CUL4B: variants seen among roughly 807,000 people sequenced by gnomAD.
The protein encoded by CUL4B is cullin-4B.
Under a neutral mutation model 69.2 loss-of-function variants are expected in CUL4B, and 1 was observed. That is an observed-to-expected ratio of 0.01 (90% confidence interval 0.01 to 0.07). The LOEUF (loss-of-function observed/expected upper bound fraction) is 0.07, where lower values mean the gene tolerates loss of function less well. CUL4B is among the 10% of genes least tolerant of loss of function. The pLI, the probability that CUL4B is intolerant of heterozygous loss-of-function variation, is 1.00. For missense variants in CUL4B, 328 were observed against 638.8 expected (o/e 0.51, Z 5.24); for synonymous variants, 237 against 223.2 (o/e 1.06, Z -0.55).
At chrX:120,543,348 T>G (rs1257847868) in intron 8 of CUL4B, among the ~76,000 whole-genome samples, 1 of 111,293 alleles carries the variant, frequency 9.0e-6, no homozygotes, top group Non-Finnish European at 1.9e-5. Flanking sequence ...ATTAGGAAGG[T>G]AAAGAAGTAC....
chrX:120,557,242 C>T (rs1925031539), intron 2 of CUL4B, among the ~76,000 whole-genome samples: 1 of 111,650 alleles, frequency 9.0e-6, no homozygotes, highest in South Asian at 3.7e-4. Context: ...ATCCCTGACA[C>T]TCTAATGAAA....
Position 120,542,823 on chromosome X carries a change from T to C in CUL4B, c.1324+143A>G. 1.1e-5 allele frequency: 5 copies of C among 458,070 alleles called. No homozygotes were observed. The East Asian group carries it at 1.9e-4, about 18-fold the overall frequency. The allele number at this position is 458,070 out of a possible 1,213,427, so 37.8% of individuals were successfully genotyped here. Reference sequence around the variant, plus strand: ...AAACTGGCACCTCCAGGAAGTTTACTGTGATTAATAAGGATTGTGTCCATC... The same window carrying C: ...AAACTGGCACCTCCAGGAAGTTTACCGTGATTAATAAGGATTGTGTCCATC... On this transcript the variant is annotated intron_variant, in intron 9 of 19. Transcript: ENST00000371322.
chrX:120,556,200 TTAAG>T (rs1193537295), intron 2 of CUL4B, among the ~76,000 whole-genome samples: 2 of 111,653 alleles, frequency 1.8e-5, no homozygotes, highest in Admixed American at 9.6e-5. Flanking sequence ...GGGCTTATTC[TTAAG>T]TAATAGCTTA....
At chrX:120,552,837 T>C (rs770000609) in intron 2 of CUL4B, among the ~76,000 whole-genome samples, 2 of 112,457 alleles carry the variant, frequency 1.8e-5, no homozygotes, top group Non-Finnish European at 3.8e-5. Flanking sequence ...TGTTTACAGA[T>C]AGTAAGTAAA....
chrX:120,538,360 G>A (rs1030382124), intron 13 of CUL4B, 151 bp from the exon 14 acceptor site: 29 of 433,823 alleles, frequency 6.7e-5, no homozygotes, highest in African/African-American at 6.2e-4. Context: ...CAAAGTGTAT[G>A]CCCCATTAAT....
intron 2 of CUL4B, among the ~76,000 whole-genome samples, chrX:120,550,096 T>C (rs1924600887): frequency 8.9e-6 from 1 of 111,982 alleles, no homozygotes; most frequent in Non-Finnish European, 1.9e-5. Flanking sequence ...TTCTTCTTAA[T>C]TGACTCAGCT....
At chrX:120,556,299 T>C (rs1400856273) in intron 2 of CUL4B, among the ~76,000 whole-genome samples, 4 of 111,786 alleles carry the variant, frequency 3.6e-5, no homozygotes, top group African/African-American at 1.3e-4. Context: ...TGTGCACTGA[T>C]TTGAGTATTT....
At chrX:120,573,897 C>T (rs1416713736) in intron 2 of CUL4B, among the ~76,000 whole-genome samples, 4 of 111,843 alleles carry the variant, frequency 3.6e-5, no homozygotes, top group Non-Finnish European at 5.6e-5. Flanking sequence ...AATCTCTGCT[C>T]ACTGCAAGCT....
Position 120,538,084 on chromosome X carries a change from C to T in CUL4B, c.1938+40G>A. The T allele has an allele frequency of 2.2e-6, 2 of 924,104 alleles. 1 individual carries two copies. Among genetic ancestry groups the T allele is most frequent in the South Asian group, 4.0e-5 (2 of 50,501 alleles). The allele number at this position is 924,104 out of a possible 1,213,427, so 76.2% of individuals were successfully genotyped here. On this transcript the variant is annotated intron_variant, in intron 14 of 19. Coordinates refer to ENST00000371322, the MANE Select transcript of CUL4B (RefSeq NM_001079872.2). Reference sequence around the variant, plus strand: ...ATCATAGCAAGCAGATAACTAAATACAACTAAGTTTGAGGAATTAAGAGTT... The same window carrying T: ...ATCATAGCAAGCAGATAACTAAATATAACTAAGTTTGAGGAATTAAGAGTT...
chrX:120,553,916 T>C (rs933661182), intron 2 of CUL4B, among the ~76,000 whole-genome samples: 1 of 111,503 alleles, frequency 9.0e-6, no homozygotes, highest in Non-Finnish European at 1.9e-5. Flanking sequence ...ACAAGACACA[T>C]TCTTTTTAAG....
chrX:120,541,385 G>A (rs767428541), intron 10 of CUL4B, among the ~76,000 whole-genome samples: 8 of 111,182 alleles, frequency 7.2e-5, no homozygotes, highest in Non-Finnish European at 1.3e-4. Flanking sequence ...TGTAATCCTA[G>A]CTACTTGGGA....
intron 4 of CUL4B, 139 bp downstream of exon 4, chrX:120,546,408 G>GAA: frequency 2.4e-6 from 1 of 421,220 alleles, no homozygotes; most frequent in Non-Finnish European, 4.0e-6. Flanking sequence ...TTTAAAAAAA[G>GAA]AAAAAAAAAG....
At chrX:120,539,940 C>A (rs1923892183) in intron 11 of CUL4B, among the ~76,000 whole-genome samples, 1 of 111,513 alleles carries the variant, frequency 9.0e-6, no homozygotes, top group Admixed American at 9.6e-5. Context: ...GTGGAAAAAC[C>A]TGAGAAGCAC....
At position 120,525,070 on chromosome X, in the gene CUL4B, G is replaced by T. The variant is rs1481240108; in HGVS notation, c.*1691C>A. ...CAGCTGAGCTCATATAAAGAAATCA[G>T]TGAGGAGCTGAGAAAATATAGGCAA... On this transcript the variant is annotated 3_prime_UTR_variant, in exon 20 of 20. Transcript: ENST00000371322. The T allele has an allele frequency of 8.9e-6, 1 of 112,393 alleles. No homozygotes were observed. Among genetic ancestry groups the T allele is most frequent in the Non-Finnish European group, 1.9e-5 (1 of 53,223 alleles). The allele number at this position is 112,393 out of a possible 1,213,427, so 9.3% of individuals were successfully genotyped here.
Position 120,539,359 on chromosome X carries a change from A to G in CUL4B, c.1650T>C (p.Asp550=), listed in dbSNP as rs750123719. 18 of 1,177,657 alleles carry G rather than the reference A, an allele frequency of 1.5e-5. No individual in the cohort carries two copies. In the African/African-American group the frequency reaches 2.5e-4, roughly 16 times the overall value. The stretch of plus-strand genomic sequence containing the variant: ...CTTTGTTGCCTGCACGAAGTTTTGA[A>G]TCTACATACTTAGCTAAAATGGGGG... ...KPAELIAKYV[D]SKLRAGNKEA... is the part of the protein sequence containing the mutation. Residue 550 remains aspartate, a synonymous_variant, in exon 12 of 20, where the codon GAT becomes GAC. Coordinates refer to ENST00000371322, the MANE Select transcript of CUL4B (RefSeq NM_001079872.2).
chrX:120,560,870 T>A lies in CUL4B; in HGVS notation c.-232A>T. On this transcript the variant is annotated 5_prime_UTR_variant, in exon 1 of 20. Coordinates refer to ENST00000371322, the MANE Select transcript of CUL4B (RefSeq NM_001079872.2). ...GAGCAGAACGAGGGGGGAGAGCGAA[T>A]GAGGAGGCAGACAGGTAAACGGCCG... 1.5e-5 allele frequency: 11 copies of A among 752,344 alleles called. No homozygotes were observed. Among genetic ancestry groups the A allele is most frequent in the Non-Finnish European group, 1.7e-5 (11 of 638,757 alleles). The allele number at this position is 752,344 out of a possible 1,213,427, so 62.0% of individuals were successfully genotyped here.
downstream of CUL4B, among the ~76,000 whole-genome samples, chrX:120,570,593 A>G (rs1369202886): frequency 8.9e-6 from 1 of 112,359 alleles, no homozygotes; most frequent in Non-Finnish European, 1.9e-5. Flanking sequence ...GACATGGCAC[A>G]AAGGAGAAAG....
chrX:120,540,331 ACAT>A (rs747821941), intron 11 of CUL4B, 36 bp downstream of exon 11: 32 of 1,126,672 alleles, frequency 2.8e-5, no homozygotes, highest in Admixed American at 1.1e-4. Context: ...GACTCAAAGA[ACAT>A]CATTAAACAA....
intron 2 of CUL4B, among the ~76,000 whole-genome samples, chrX:120,555,418 A>C (rs1924905053): frequency 8.9e-6 from 1 of 112,203 alleles, no homozygotes; most frequent in Non-Finnish European, 1.9e-5. Flanking sequence ...ACAGATAAAA[A>C]TACTACTAAA....
Sources: allele counts gnomAD v4.1 joint callset (sites outside exome capture counted in the v4.1 genomes callset), GRCh38; gene constraint gnomAD v4.1.1; transcripts MANE v1.5; gene names NCBI Gene and HGNC (gene_info 2026-07-23, HGNC 2026-07-21).